NEO1: variants seen among roughly 807,000 people sequenced by gnomAD.
NEO1 encodes neogenin.
In NEO1, 63 loss-of-function variants were observed where a neutral mutation model predicts 159.7. The observed-to-expected ratio is 0.39, with a 90% CI of 0.32 to 0.49. NEO1 has a LOEUF of 0.49. Among genes scored for constraint, NEO1 ranks in the 20% least tolerant of loss-of-function variants. The probability of loss-of-function intolerance (pLI) is 0.85; values close to 1 mark genes in which losing one functional copy is unlikely to be tolerated. For synonymous variants in NEO1, 633 were observed against 662.0 expected, an observed-to-expected ratio of 0.96 and a Z score of 0.67; for missense variants, 1,615 against 1,831.0, an observed-to-expected ratio of 0.88 and a Z score of 2.15.
chr15:73,106,402 ATATAT>A (rs2070696318), intron 1 of NEO1, among the ~76,000 whole-genome samples: 1 of 152,216 alleles, frequency 6.6e-6, no homozygotes, highest in African/African-American at 2.4e-5. Flanking sequence ...AATTTTAATA[ATATAT>A]TTTATTTACA....
intron 26 of NEO1, among the ~76,000 whole-genome samples, chr15:73,294,122 G>A (rs2042265005): frequency 6.6e-6 from 1 of 152,168 alleles, no homozygotes; most frequent in Non-Finnish European, 1.5e-5. Flanking sequence ...GATCCTCTCT[G>A]AAGAAACAGA....
chr15:73,281,165 GCCA>G (rs2041680129), intron 22 of NEO1, among the ~76,000 whole-genome samples: 1 of 145,174 alleles, frequency 6.9e-6, no homozygotes, highest in African/African-American at 2.5e-5. Flanking sequence ...CGGAGATTGT[GCCA>G]CTGTACTCCA....
chr15:73,184,576 A>G (rs1435384823), intron 7 of NEO1, among the ~76,000 whole-genome samples: 1 of 152,204 alleles, frequency 6.6e-6, no homozygotes, highest in Admixed American at 6.5e-5. Context: ...CAGTAGGTGA[A>G]AGAATAAATA....
intron 1 of NEO1, among the ~76,000 whole-genome samples, chr15:73,068,280 G>T (rs1353999416): frequency 7.3e-6 from 1 of 136,422 alleles, no homozygotes; most frequent in Non-Finnish European, 1.5e-5. Flanking sequence ...GGAGTGCATT[G>T]GTGGGTTCTC....
chr15:73,288,134 C>G (rs1017021626), intron 23 of NEO1, among the ~76,000 whole-genome samples, 179 bp from the exon 24 acceptor site: 2 of 152,182 alleles, frequency 1.3e-5, no homozygotes, highest in African/African-American at 4.8e-5. Context: ...TACATTTACT[C>G]TCCCCAGGAG....
chr15:73,166,450 G>T (rs893243708), intron 5 of NEO1, among the ~76,000 whole-genome samples: 1 of 152,156 alleles, frequency 6.6e-6, no homozygotes, highest in Non-Finnish European at 1.5e-5. Context: ...TTATTGCAGG[G>T]CACCAAACAA....
At chr15:73,291,056 A>G (rs1439223782) in intron 25 of NEO1, among the ~76,000 whole-genome samples, 1 of 152,190 alleles carries the variant, frequency 6.6e-6, no homozygotes, top group Non-Finnish European at 1.5e-5. Flanking sequence ...TCCTTGATGG[A>G]AAGAAAAGCC....
At chr15:73,171,175 A>G (rs2034938112) in intron 5 of NEO1, among the ~76,000 whole-genome samples, 1 of 152,198 alleles carries the variant, frequency 6.6e-6, no homozygotes, top group Non-Finnish European at 1.5e-5. Flanking sequence ...CAAAAGATAA[A>G]GAGGAGTCTG....
chr15:73,252,844 G>T (rs142887513), intron 11 of NEO1, among the ~76,000 whole-genome samples: 1 of 152,180 alleles, frequency 6.6e-6, no homozygotes, highest in African/African-American at 2.4e-5. Flanking sequence ...ACAAAAATTA[G>T]CCGGGCGTGG....
At chr15:73,251,858 A>G (rs1318414443) in intron 11 of NEO1, among the ~76,000 whole-genome samples, 1 of 152,202 alleles carries the variant, frequency 6.6e-6, no homozygotes. Flanking sequence ...TGATCTACAA[A>G]ATAGGAATGA....
At chr15:73,194,493 C>T (rs1567445349) in intron 7 of NEO1, among the ~76,000 whole-genome samples, 1 of 152,124 alleles carries the variant, frequency 6.6e-6, no homozygotes, top group Non-Finnish European at 1.5e-5. Context: ...AAAATGGGAG[C>T]AGGCATGTCA....
chr15:73,249,367 G>A (rs2039958191), intron 10 of NEO1, among the ~76,000 whole-genome samples, 159 bp downstream of exon 10: 1 of 152,166 alleles, frequency 6.6e-6, no homozygotes, highest in African/African-American at 2.4e-5. Context: ...AAGATTTATT[G>A]TGTAGTTTTT....
chr15:73,273,472 A>G (rs2041267450), intron 19 of NEO1, among the ~76,000 whole-genome samples: 4 of 152,182 alleles, frequency 2.6e-5, no homozygotes, highest in Admixed American at 2.6e-4. Context: ...AACCGGCAAC[A>G]GCGCAGTGCC....
intron 1 of NEO1, among the ~76,000 whole-genome samples, chr15:73,071,459 C>T (rs2068528268): frequency 6.6e-6 from 1 of 152,160 alleles, no homozygotes; most frequent in Admixed American, 6.5e-5. Flanking sequence ...AACTCCTCCT[C>T]CAGGGAAAAA....
chr15:73,174,297 A>G (rs2035154903), intron 5 of NEO1, among the ~76,000 whole-genome samples: 1 of 152,194 alleles, frequency 6.6e-6, no homozygotes, highest in Non-Finnish European at 1.5e-5. Flanking sequence ...GGACATAGCT[A>G]TGGGCCAAAG....
intron 3 of NEO1, among the ~76,000 whole-genome samples, chr15:73,124,901 T>G (rs1328463488): frequency 6.6e-6 from 1 of 152,168 alleles, no homozygotes; most frequent in African/African-American, 2.4e-5. Context: ...GTTTAATTGA[T>G]TCTATCAAAA....
intron 7 of NEO1, among the ~76,000 whole-genome samples, chr15:73,206,825 G>A (rs1333324156): frequency 1.8e-5 from 1 of 54,858 alleles, no homozygotes. Flanking sequence ...TCTTTTTCGT[G>A]TGTGTGTGTA....
At chr15:73,127,305 C>T (rs1205222620) in intron 4 of NEO1, among the ~76,000 whole-genome samples, 1 of 151,874 alleles carries the variant, frequency 6.6e-6, no homozygotes, top group Non-Finnish European at 1.5e-5. Flanking sequence ...ATCACAAATT[C>T]TTCATCTTTC....
chr15:73,083,055 A>G (rs2069154219), intron 1 of NEO1, among the ~76,000 whole-genome samples: 1 of 152,226 alleles, frequency 6.6e-6, no homozygotes, highest in Non-Finnish European at 1.5e-5. Context: ...GAATGAAAAC[A>G]GGAAAGACGG....
Sources: allele counts gnomAD v4.1 joint callset (sites outside exome capture counted in the v4.1 genomes callset), GRCh38; gene constraint gnomAD v4.1.1; transcripts MANE v1.5; gene names NCBI Gene and HGNC (gene_info 2026-07-23, HGNC 2026-07-21).